The following SHTN1 variants were observed in gnomAD, a reference collection of about 807,000 sequenced individuals.
The protein encoded by SHTN1 is shootin 1.
SHTN1 carries 42 observed loss-of-function variants against 83.1 expected under a neutral mutation model. The ratio of observed to expected loss-of-function variants is 0.51; its 90% CI spans 0.39 to 0.65. The LOEUF is 0.65. SHTN1 is among the 30% of genes least tolerant of loss of function. The pLI is 0.00. For missense variants in SHTN1, 622 were observed against 737.8 expected, an observed-to-expected ratio of 0.84 and a Z score of 1.82; for synonymous variants, 224 against 247.7, an observed-to-expected ratio of 0.90 and a Z score of 0.90.
chr10:116,950,397 G>A (rs1349860270), intron 6 of SHTN1, among the ~76,000 whole-genome samples: 2 of 152,090 alleles, frequency 1.3e-5, no homozygotes, highest in African/African-American at 4.8e-5. Flanking sequence ...CCAACTCCTG[G>A]GCTCAAGTGA....
chr10:117,023,016 C>T (rs1283525320), intron 2 of SHTN1, among the ~76,000 whole-genome samples: 1 of 152,208 alleles, frequency 6.6e-6, no homozygotes, highest in Non-Finnish European at 1.5e-5. Flanking sequence ...GTTATGGCTA[C>T]ACTGCCAATG....
intron 1 of SHTN1, among the ~76,000 whole-genome samples, chr10:117,104,641 G>C (rs1853647079): frequency 6.6e-6 from 1 of 152,102 alleles, no homozygotes; most frequent in African/African-American, 2.4e-5. Context: ...GGGCGTGGTG[G>C]TGGGCGCCTG....
chr10:116,943,976 C>T (rs540601560), intron 8 of SHTN1, among the ~76,000 whole-genome samples: 24 of 152,128 alleles, frequency 1.6e-4, no homozygotes, highest in African/African-American at 5.3e-4. Context: ...ACAGGTAAGC[C>T]GGAACAAGAG....
chr10:116,940,656 C>T lies in SHTN1; in HGVS notation c.712-44G>A, dbSNP rs534144775. 1.0e-3 allele frequency: 1,513 copies of T among 1,464,716 alleles called. 29 individuals are homozygous for T. The South Asian group carries it at 0.019, about 18-fold the overall frequency. The allele number at this position is 1,464,716 out of a possible 1,614,324, so 90.7% of individuals were successfully genotyped here. On this transcript the variant is annotated intron_variant, in intron 8 of 16. Coordinates refer to ENST00000355371, the MANE Select transcript of SHTN1 (RefSeq NM_001127211.3). ...AGAATGTATATATCAATCAATCTCA[C>T]ATACCTCCTCAACTGTAACTTCAGC...
chr10:117,091,150 G>C (rs913391574), intron 1 of SHTN1, among the ~76,000 whole-genome samples: 6 of 152,178 alleles, frequency 3.9e-5, no homozygotes, highest in Non-Finnish European at 8.8e-5. Flanking sequence ...ATTACTCTCA[G>C]TTAAATTCTG....
rs551420101 is a variant in SHTN1 at position 116,927,597 on chromosome 10, C to T, written c.1112+195G>A. On this transcript the variant is annotated intron_variant, in intron 11 of 16. Coordinates refer to ENST00000355371, the MANE Select transcript of SHTN1 (RefSeq NM_001127211.3). ...CATGATTCAATTACCTCCCACGATA[C>T]GTGAGAATTGTGGGAGCTACAATTC... 5.3e-5 allele frequency among the ~76,000 whole-genome samples: 8 copies of T among 152,286 alleles called. No individual in the cohort carries two copies. In the South Asian group the frequency reaches 6.2e-4, roughly 12 times the overall value.
At chr10:116,911,733 A>G in intron 14 of SHTN1, 57 bp downstream of exon 14, 1 of 1,578,418 alleles carries the variant, frequency 6.3e-7, no homozygotes, top group Non-Finnish European at 8.7e-7. Context: ...ACAGATTTTA[A>G]AATACTCTCC....
chr10:117,117,265 C>T (rs546437310), intron 1 of SHTN1, among the ~76,000 whole-genome samples: 5 of 152,106 alleles, frequency 3.3e-5, no homozygotes, highest in African/African-American at 7.2e-5. Flanking sequence ...GCACCAACGA[C>T]GAACAATCTG....
At position 116,913,263 on chromosome 10, in the gene SHTN1, C is replaced by T. The variant is rs533820021; in HGVS notation, c.1306-1420G>A. Among the ~76,000 whole-genome samples the T allele has an allele frequency of 8.5e-5, 13 of 152,356 alleles. No homozygotes were observed. The East Asian group carries it at 2.5e-3, about 29-fold the overall frequency. The stretch of plus-strand genomic sequence containing the variant: ...CTGCACAAGCCTTTTGAACCCTGGA[C>T]CACAAAATGTCGCCATTTGTGACAT... On this transcript the variant is annotated intron_variant, in intron 13 of 16. Transcript: ENST00000355371.
At chr10:117,103,512 TC>T (rs1186791514) in intron 1 of SHTN1, among the ~76,000 whole-genome samples, 1 of 124,710 alleles carries the variant, frequency 8.0e-6, no homozygotes, top group East Asian at 2.7e-4. Context: ...TCCTTTCCCC[TC>T]CCCTCCCCTC....
chr10:117,022,334 A>G (rs1852275170), intron 2 of SHTN1, among the ~76,000 whole-genome samples: 1 of 152,176 alleles, frequency 6.6e-6, no homozygotes, highest in African/African-American at 2.4e-5. Context: ...ACAATTACTA[A>G]AGCTACAGTG....
At chr10:117,007,237 T>G (rs1852033573), upstream of SHTN1, among the ~76,000 whole-genome samples, 1 of 151,902 alleles carries the variant, frequency 6.6e-6, no homozygotes, top group Non-Finnish European at 1.5e-5. Flanking sequence ...CTGTTAAACC[T>G]GATGAGTCAT....
intron 1 of SHTN1, among the ~76,000 whole-genome samples, chr10:117,093,582 G>C (rs978790479): frequency 3.3e-5 from 5 of 152,142 alleles, no homozygotes; most frequent in Non-Finnish European, 7.4e-5. Context: ...AAGTCATTCA[G>C]CTAATAAGTA....
intron 16 of SHTN1, chr10:116,900,963 AC>A: frequency 1.0e-6 from 1 of 985,432 alleles, no homozygotes; most frequent in Non-Finnish European, 1.2e-6. Context: ...TCCAGGTTTC[AC>A]CTTTTAAGCT....
At chr10:116,912,739 T>C (rs771516682) in intron 13 of SHTN1, among the ~76,000 whole-genome samples, 1 of 152,116 alleles carries the variant, frequency 6.6e-6, no homozygotes, top group Non-Finnish European at 1.5e-5. Context: ...AGGATAGAGA[T>C]GAAGGGGAAA....
upstream of SHTN1, among the ~76,000 whole-genome samples, chr10:117,007,118 T>C (rs1483182620): frequency 1.3e-5 from 2 of 152,006 alleles, no homozygotes; most frequent in African/African-American, 4.8e-5. Flanking sequence ...TAATTCAAGA[T>C]AGTTGCAGAT....
At chr10:117,048,515 A>G in intron 1 of SHTN1, 1 of 982,224 alleles carries the variant, frequency 1.0e-6, no homozygotes, top group Non-Finnish European at 1.2e-6. Context: ...GCAAACCTGA[A>G]AAGGATTAAA....
chr10:116,986,661 C>T (rs1851227471), intron 1 of SHTN1, among the ~76,000 whole-genome samples: 1 of 149,242 alleles, frequency 6.7e-6, no homozygotes, highest in African/African-American at 2.5e-5. Flanking sequence ...GCAGGAGAAT[C>T]ATTTGAGCTC....
At position 116,930,688 on chromosome 10, in the gene SHTN1, A is replaced by G. The variant is rs569228625; in HGVS notation, c.859-686T>C. Among the ~76,000 whole-genome samples the G allele has an allele frequency of 7.5e-4, 114 of 152,274 alleles. 2 individuals are homozygous for G. In the South Asian group the frequency reaches 0.022, roughly 29 times the overall value. Reference sequence around the variant, plus strand: ...GCTGTTGCATATAGTGCTGCGATGAATATGTGTGCACGTGTCTTTATGGTA... The same window carrying G: ...GCTGTTGCATATAGTGCTGCGATGAGTATGTGTGCACGTGTCTTTATGGTA... On this transcript the variant is annotated intron_variant, in intron 9 of 16. Coordinates refer to ENST00000355371, the MANE Select transcript of SHTN1 (RefSeq NM_001127211.3).
Sources: gnomAD v4.1 joint callset for allele counts (sites outside exome capture counted in the v4.1 genomes callset) on GRCh38, gnomAD v4.1.1 for gene constraint, MANE v1.5 for transcripts, NCBI Gene and HGNC (gene_info 2026-07-23, HGNC 2026-07-21) for gene names.